FHIT: variants seen among roughly 807,000 people sequenced by gnomAD.
FHIT encodes fragile histidine triad diadenosine triphosphatase.
In FHIT, 19 loss-of-function variants were observed where a neutral mutation model predicts 17.9. The observed-to-expected ratio is 1.06, with a 90% CI of 0.74 to 1.56. The LOEUF is 1.56. Among genes scored for constraint, FHIT ranks in the 40% most tolerant of loss-of-function variants. The pLI, the probability that FHIT is intolerant of heterozygous loss-of-function variation, is 0.00. For synonymous variants in FHIT, 81 were observed against 69.7 expected (o/e 1.16, Z -0.81); for missense variants, 248 against 189.2 (o/e 1.31, Z -1.82).
intron 2 of FHIT, among the ~76,000 whole-genome samples, chr3:61,078,809 C>T (rs2035045175): frequency 6.6e-6 from 1 of 152,124 alleles, no homozygotes; most frequent in Non-Finnish European, 1.5e-5. Flanking sequence ...CATTCAGATA[C>T]TTTATTAACA....
intron 5 of FHIT, among the ~76,000 whole-genome samples, chr3:60,430,762 A>C (rs753683561): frequency 2.6e-5 from 4 of 151,976 alleles, no homozygotes; most frequent in Non-Finnish European, 5.9e-5. Context: ...GATTACATCT[A>C]TGTAAGGTTC....
intron 2 of FHIT, among the ~76,000 whole-genome samples, chr3:61,192,011 T>G (rs1207556044): frequency 6.6e-6 from 1 of 152,140 alleles, no homozygotes; most frequent in Admixed American, 6.5e-5. Context: ...AGTTCCTTGC[T>G]TTTAAAAAGG....
intron 5 of FHIT, among the ~76,000 whole-genome samples, chr3:60,090,249 A>G (rs1010452079): frequency 1.3e-5 from 2 of 152,158 alleles, no homozygotes; most frequent in Non-Finnish European, 2.9e-5. Context: ...TCCCAGTATG[A>G]AAATGTGAAG....
At chr3:59,935,799 C>A (rs988244667) in intron 7 of FHIT, among the ~76,000 whole-genome samples, 2 of 151,956 alleles carry the variant, frequency 1.3e-5, no homozygotes, top group Non-Finnish European at 2.9e-5. Context: ...AAAAAATAGA[C>A]AACTACACTG....
At chr3:60,735,349 C>T (rs1157786578) in intron 4 of FHIT, among the ~76,000 whole-genome samples, 1 of 152,194 alleles carries the variant, frequency 6.6e-6, no homozygotes, top group Non-Finnish European at 1.5e-5. Context: ...GTTCTGACTC[C>T]AGATGGTGTA....
At chr3:60,794,566 C>T (rs1672890303) in intron 4 of FHIT, among the ~76,000 whole-genome samples, 1 of 152,210 alleles carries the variant, frequency 6.6e-6, no homozygotes, top group African/African-American at 2.4e-5. Flanking sequence ...ACAGTTCACA[C>T]ATAGCTCTGC....
In FHIT at chr3:60,517,420, G is replaced by A. The variant is rs150789383; in HGVS notation, c.103+19440C>T. ...TATGAGTTGTCTTTTAGATAGCATC[G>A]GAATCATAGGATACTAAGTAGCTAC... On this transcript the variant is annotated intron_variant, in intron 5 of 9. Transcript: ENST00000492590. Among the ~76,000 whole-genome samples the A allele has an allele frequency of 1.2e-3, 161 of 134,362 alleles. 1 individual carries two copies. The highest frequency in any genetic ancestry group is 4.2e-3 in the African/African-American group (144 of 34,116). 88.1% of individuals were successfully genotyped at this position (134,362 alleles called of 152,430 possible). A position where few individuals can be genotyped will look rare whatever the true frequency, so the allele number is the denominator to read the frequency against.
rs540119289 is a variant in FHIT, at chr3:61,005,834, G to A, written c.-111+36213C>T. On this transcript the variant is annotated intron_variant, in intron 3 of 9. Coordinates refer to ENST00000492590, the MANE Select transcript of FHIT (RefSeq NM_002012.4). ...TAGGTCAAGATAGCCACTTACTGTC[G>A]GGGAGGTTAGTTCCAACATGGCTGG... Among the ~76,000 whole-genome samples the A allele has an allele frequency of 1.2e-4, 19 of 152,216 alleles. No homozygotes were observed. The East Asian group carries it at 3.1e-3, about 25-fold the overall frequency.
intron 4 of FHIT, among the ~76,000 whole-genome samples, chr3:60,596,308 A>C (rs1553666459): frequency 6.6e-6 from 1 of 152,102 alleles, no homozygotes; most frequent in African/African-American, 2.4e-5. Context: ...GCCCTTCTTC[A>C]GCACGCACAG....
intron 3 of FHIT, among the ~76,000 whole-genome samples, chr3:60,968,676 G>A (rs1040750987): frequency 9.9e-5 from 15 of 152,174 alleles, no homozygotes; most frequent in Admixed American, 2.0e-4. Flanking sequence ...CTCCCAAAGT[G>A]CTGGGAATAC....
At chr3:60,123,980 AT>A in intron 5 of FHIT, among the ~76,000 whole-genome samples, 1 of 27,594 alleles carries the variant, frequency 3.6e-5, no homozygotes, top group South Asian at 1.3e-3. Context: ...ATATATATAT[AT>A]ATATATATAT....
intron 5 of FHIT, among the ~76,000 whole-genome samples, chr3:60,417,780 C>G (rs1018968582): frequency 6.6e-6 from 1 of 152,166 alleles, no homozygotes; most frequent in African/African-American, 2.4e-5. Context: ...TACTCAACAC[C>G]TGTTAACTGT....
At chr3:60,690,636 C>G in intron 4 of FHIT, 1 of 522,744 alleles carries the variant, frequency 1.9e-6, no homozygotes. Flanking sequence ...TCTTTGGAAG[C>G]TTGTCTGCAA....
intron 5 of FHIT, among the ~76,000 whole-genome samples, chr3:60,521,879 A>G (rs1272442432): frequency 1.3e-5 from 2 of 152,150 alleles, no homozygotes; most frequent in African/African-American, 4.8e-5. Context: ...TCCCATGTAC[A>G]TTCAACAATA....
chr3:60,178,156 T>C (rs1369519996), intron 5 of FHIT, among the ~76,000 whole-genome samples: 1 of 152,202 alleles, frequency 6.6e-6, no homozygotes, highest in African/African-American at 2.4e-5. Flanking sequence ...GGCTATTTAG[T>C]GCCAGAGAGC....
At chr3:61,120,843 C>T (rs2106921066) in intron 2 of FHIT, among the ~76,000 whole-genome samples, 1 of 151,852 alleles carries the variant, frequency 6.6e-6, no homozygotes, top group East Asian at 1.9e-4. Flanking sequence ...AGCTAAGAAA[C>T]TTGAAAAAAG....
Position 60,014,002 on chromosome 3 carries a change from C to T in FHIT, c.249+5G>A. 6.2e-7 allele frequency: 1 copy of T among 1,613,722 alleles called. No homozygotes were observed. The highest frequency in any genetic ancestry group is 8.5e-7 in the Non-Finnish European group (1 of 1,179,752). On this transcript the variant is annotated splice_donor_5th_base_variant and intron_variant, in intron 6 of 9. Coordinates refer to ENST00000492590, the MANE Select transcript of FHIT (RefSeq NM_002012.4). ...AAATCATTTCTGAGAAATCTGTACA[C>T]TCACCTGCATGGAAAAGGTGAGAGA...
intron 5 of FHIT, among the ~76,000 whole-genome samples, chr3:60,182,973 TTC>T (rs1435692906): frequency 1.3e-5 from 2 of 151,542 alleles, no homozygotes; most frequent in African/African-American, 4.8e-5. Flanking sequence ...TTAAAAGATA[TTC>T]TGTCCATGAC....
At chr3:60,866,712 T>C (rs185058241) in intron 3 of FHIT, among the ~76,000 whole-genome samples, 2 of 152,348 alleles carry the variant, frequency 1.3e-5, no homozygotes, top group Admixed American at 1.3e-4. Flanking sequence ...TTTCCAGCTT[T>C]GCCTATGGGC....
Sources: allele counts gnomAD v4.1 joint callset (sites outside exome capture counted in the v4.1 genomes callset), GRCh38; gene constraint gnomAD v4.1.1; transcripts MANE v1.5; gene names NCBI Gene and HGNC (gene_info 2026-07-23, HGNC 2026-07-21).